MPPED2: variants seen among roughly 807,000 people sequenced by gnomAD.
The protein encoded by MPPED2 is metallophosphoesterase domain containing 2.
MPPED2 carries 5 observed loss-of-function variants against 33.0 expected under a neutral mutation model. The ratio of observed to expected loss-of-function variants is 0.15; its 90% CI spans 0.08 to 0.32. The LOEUF (loss-of-function observed/expected upper bound fraction) is 0.32, where lower values mean the gene tolerates loss of function less well. Ranked by LOEUF, MPPED2 falls within the 10% of genes least tolerant of loss-of-function variation. MPPED2 has a pLI of 1.00. For synonymous variants in MPPED2, 136 were observed against 141.9 expected, an observed-to-expected ratio of 0.96 and a Z score of 0.29; for missense variants, 275 against 372.1, an observed-to-expected ratio of 0.74 and a Z score of 2.15.
intron 4 of MPPED2, among the ~76,000 whole-genome samples, chr11:30,462,585 GA>G (rs1246307766): frequency 6.6e-6 from 1 of 152,090 alleles, no homozygotes; most frequent in African/African-American, 2.4e-5. Flanking sequence ...TTATTAAGGG[GA>G]AAAAATGCTG....
At chr11:30,548,279 T>G (rs750674405) in intron 2 of MPPED2, among the ~76,000 whole-genome samples, 6 of 152,068 alleles carry the variant, frequency 3.9e-5, no homozygotes, top group Non-Finnish European at 8.8e-5. Flanking sequence ...AAAGGTGCGA[T>G]CATAGCTCAC....
intron 2 of MPPED2, among the ~76,000 whole-genome samples, chr11:30,564,421 G>A (rs1385607764): frequency 6.6e-6 from 1 of 152,138 alleles, no homozygotes; most frequent in Non-Finnish European, 1.5e-5. Flanking sequence ...TATACTTAAA[G>A]CAGTTGATTT....
intron 4 of MPPED2, among the ~76,000 whole-genome samples, chr11:30,421,608 A>G (rs1289123025): frequency 1.3e-5 from 2 of 152,188 alleles, no homozygotes; most frequent in African/African-American, 4.8e-5. Flanking sequence ...AAAAACCTGA[A>G]TATCAGGGAT....
intron 3 of MPPED2, chr11:30,504,778 C>T: frequency 1.6e-6 from 2 of 1,289,106 alleles, no homozygotes; most frequent in Admixed American, 2.3e-5. Flanking sequence ...CTGCTACCTT[C>T]TCCTCTGAAA....
intron 2 of MPPED2, among the ~76,000 whole-genome samples, chr11:30,544,448 C>T (rs955403275): frequency 6.6e-6 from 1 of 152,166 alleles, no homozygotes; most frequent in Non-Finnish European, 1.5e-5. Flanking sequence ...TACCTGTGTA[C>T]CAGGTACCCT....
At chr11:30,441,661 C>A (rs978354691) in intron 4 of MPPED2, among the ~76,000 whole-genome samples, 1 of 152,202 alleles carries the variant, frequency 6.6e-6, no homozygotes, top group African/African-American at 2.4e-5. Flanking sequence ...TTAATTCAAT[C>A]CCAACTCTGA....
intron 4 of MPPED2, among the ~76,000 whole-genome samples, chr11:30,427,446 C>T (rs371576481): frequency 1.3e-4 from 20 of 152,270 alleles, no homozygotes; most frequent in African/African-American, 3.9e-4. Flanking sequence ...AGAAAGCCTG[C>T]TACCTGCAAA....
intron 2 of MPPED2, among the ~76,000 whole-genome samples, chr11:30,545,863 A>G (rs1443624719): frequency 6.6e-6 from 1 of 150,770 alleles, no homozygotes; most frequent in Non-Finnish European, 1.5e-5. Flanking sequence ...TGACTGATAT[A>G]CATATATATA....
At chr11:30,512,287 A>G (rs1054694730) in intron 3 of MPPED2, among the ~76,000 whole-genome samples, 4 of 149,436 alleles carry the variant, frequency 2.7e-5, no homozygotes, top group African/African-American at 9.7e-5. Flanking sequence ...GACCTCAGAC[A>G]TTCAGTGGCC....
At chr11:30,386,551 C>A in exon 7 of MPPED2, 1 of 395,066 alleles carries the variant, frequency 2.5e-6, no homozygotes, top group East Asian at 3.6e-5. Context: ...ATAAAATACC[C>A]AGTCTCAGGG....
Position 30,443,111 on chromosome 11 carries a change from C to A in MPPED2, c.537-25478G>T, listed in dbSNP as rs570308484. Among the ~76,000 whole-genome samples, 210 of 152,216 alleles carry A rather than the reference C, an allele frequency of 1.4e-3. 1 individual carries two copies. The highest frequency in any genetic ancestry group is 4.6e-3 in the African/African-American group (193 of 41,514). ...TCTCTGCTCATAGACACACAGACTC[C>A]TGAAACCAATCCTCCACACCTGCTT... On this transcript the variant is annotated intron_variant, in intron 4 of 6. Coordinates refer to ENST00000358117, the MANE Select transcript of MPPED2 (RefSeq NM_001584.3).
intron 2 of MPPED2, among the ~76,000 whole-genome samples, chr11:30,560,485 A>G (rs1050260302): frequency 4.6e-5 from 7 of 151,918 alleles, no homozygotes; most frequent in Non-Finnish European, 1.0e-4. Context: ...TAGTCTTAAA[A>G]CTCCCATTTA....
intron 3 of MPPED2, among the ~76,000 whole-genome samples, chr11:30,521,541 C>G (rs1337568106): frequency 6.6e-6 from 1 of 152,194 alleles, no homozygotes; most frequent in Non-Finnish European, 1.5e-5. Flanking sequence ...TTCTGGTCAG[C>G]AGTCTAGCAG....
intron 6 of MPPED2, among the ~76,000 whole-genome samples, chr11:30,391,115 C>T (rs992412210): frequency 2.6e-5 from 4 of 152,118 alleles, no homozygotes; most frequent in Non-Finnish European, 4.4e-5. Flanking sequence ...GATTGCAGAT[C>T]CCAGAAGTGA....
intron 4 of MPPED2, among the ~76,000 whole-genome samples, chr11:30,471,331 A>G (rs1950936665): frequency 6.6e-6 from 1 of 152,178 alleles, no homozygotes; most frequent in Non-Finnish European, 1.5e-5. Context: ...TAGCCAAATA[A>G]TTGTCCTGCT....
At chr11:30,408,834 G>C (rs371653074), downstream of MPPED2, among the ~76,000 whole-genome samples, 44 of 152,334 alleles carry the variant, frequency 2.9e-4, 1 homozygote, top group South Asian at 8.3e-3. Context: ...GTTCAACAGG[G>C]TGCCTGGTGA....
chr11:30,498,904 G>T (rs997097878), intron 3 of MPPED2, among the ~76,000 whole-genome samples: 1 of 152,188 alleles, frequency 6.6e-6, no homozygotes, highest in African/African-American at 2.4e-5. Flanking sequence ...CATCAGTTCA[G>T]GTTAGAGCTA....
At chr11:30,529,947 T>G (rs539102976) in intron 3 of MPPED2, among the ~76,000 whole-genome samples, 46 of 152,300 alleles carry the variant, frequency 3.0e-4, no homozygotes, top group African/African-American at 1.1e-3. Flanking sequence ...AAACTGAAGC[T>G]CGGAACTATT....
At chr11:30,535,373 GA>G (rs1313089877) in intron 3 of MPPED2, among the ~76,000 whole-genome samples, 8 of 152,112 alleles carry the variant, frequency 5.3e-5, no homozygotes, top group Non-Finnish European at 1.2e-4. Context: ...TGCAGTAACT[GA>G]CCTGTGGGTG....
Sources: allele counts gnomAD v4.1 joint callset (sites outside exome capture counted in the v4.1 genomes callset), GRCh38; gene constraint gnomAD v4.1.1; transcripts MANE v1.5; gene names NCBI Gene and HGNC (gene_info 2026-07-23, HGNC 2026-07-21).